SIGIRR: variants seen among roughly 807,000 people sequenced by gnomAD.
SIGIRR encodes single Ig and TIR domain containing.
SIGIRR carries 41 observed loss-of-function variants against 45.6 expected under a neutral mutation model. That is an observed-to-expected ratio of 0.90 (90% CI 0.70 to 1.17). SIGIRR has a LOEUF of 1.17. SIGIRR is among the 50% of genes most tolerant of loss of function. The pLI, the probability that SIGIRR is intolerant of heterozygous loss-of-function variation, is 0.00. For synonymous variants in SIGIRR, 298 were observed against 239.0 expected, an observed-to-expected ratio of 1.25 and a Z score of -2.28; for missense variants, 599 against 539.6, an observed-to-expected ratio of 1.11 and a Z score of -1.09.
At position 407,117 on chromosome 11, in the gene SIGIRR, T is replaced by TCTACAC; in HGVS notation, c.672_673insGTGTAG (p.Leu224_Ile225insValTer). On this transcript the variant is annotated stop_gained and inframe_insertion, in exon 7 of 10. Coordinates refer to ENST00000431843, the MANE Select transcript of SIGIRR (RefSeq NM_001135054.2). LOFTEE classifies it high-confidence loss of function. The stretch of plus-strand genomic sequence containing the variant: ...AGGAAGGCGTCCGAAAGCACCACGA[T>TCTACAC]GAGGCGTCGGCAGCGGCTCAGGTTC... 1.3e-6 allele frequency: 2 copies of TCTACAC among 1,534,260 alleles called. No homozygotes were observed. Among genetic ancestry groups the TCTACAC allele is most frequent in the Non-Finnish European group, 1.7e-6 (2 of 1,147,436 alleles).
At chr11:406,679 C>A in intron 8 of SIGIRR, 141 bp from the exon 9 acceptor site, 1 of 1,402,830 alleles carries the variant, frequency 7.1e-7, no homozygotes, top group Non-Finnish European at 9.4e-7. Context: ...GCCTCAAGGG[C>A]GGCTCCCCGC....
upstream of SIGIRR, among the ~76,000 whole-genome samples, chr11:416,761 C>T (rs2133663955): frequency 6.6e-6 from 1 of 152,260 alleles, no homozygotes; most frequent in East Asian, 1.9e-4. This position sits in a 1 kb window ranked among gnomAD's most constrained non-coding sequence, Gnocchi z 9.1. Context: ...GTTCGCTCCC[C>T]TACCCCGCGC....
In SIGIRR at chr11:407,125, C is replaced by A. The variant is rs760124062; in HGVS notation, c.665G>T (p.Arg222Leu). 46 of 1,554,148 alleles carry A rather than the reference C, an allele frequency of 3.0e-5. No homozygotes were observed. Among genetic ancestry groups the A allele is most frequent in the African/African-American group, 4.3e-5 (3 of 69,310 alleles). ...ADLLVNLSRC[R>L]RLIVVLSDAF... is the part of the protein sequence containing the mutation. ...GTCCGAAAGCACCACGATGAGGCGT[C>A]GGCAGCGGCTCAGGTTCACCAAGAG... The change falls in exon 7 of 10, where the codon CGA becomes CTA. Residue 222 changes from arginine (R) to leucine (L), a missense_variant. Coordinates refer to ENST00000431843, the MANE Select transcript of SIGIRR (RefSeq NM_001135054.2).
At chr11:409,766 C>G (rs111715314) in intron 2 of SIGIRR, 102 bp downstream of exon 2, 7 of 1,271,060 alleles carry the variant, frequency 5.5e-6, no homozygotes, top group Non-Finnish European at 7.1e-6. Context: ...TGTGGCCAGG[C>G]AGAGTGCCTG....
Position 408,145 on chromosome 11 carries a change from TG to T in SIGIRR, c.267del (p.Ser89ArgfsTer71), listed in dbSNP as rs1847437048. 3 of 1,612,666 alleles carry T rather than the reference TG, an allele frequency of 1.9e-6. No homozygotes were observed. Among genetic ancestry groups the T allele is most frequent in the Non-Finnish European group, 1.7e-6 (2 of 1,179,972 alleles). On this transcript the variant is annotated frameshift_variant, in exon 4 of 10. Coordinates refer to ENST00000431843, the MANE Select transcript of SIGIRR (RefSeq NM_001135054.2). LOFTEE classifies it high-confidence loss of function. Reference protein sequence around the residue: ...VSSVLGVNVTSTEVYGAFTCS... With the variant: ...VSSVLGVNVTXTEVYGAFTCS... ...CAGGTGAAGGCCCCATAGACTTCAG[TG>T]CTGGTCACGTTGACCCCCAGGACAC...
intron 8 of SIGIRR, 149 bp from the exon 9 acceptor site, chr11:406,687 C>T (rs1847322586): frequency 7.1e-7 from 1 of 1,405,310 alleles, no homozygotes; most frequent in Non-Finnish European, 9.3e-7. Flanking sequence ...GGCGGCTCCC[C>T]GCATCGGGGC....
chr11:417,044 G>A (rs1170746655), upstream of SIGIRR, among the ~76,000 whole-genome samples: 4 of 152,224 alleles, frequency 2.6e-5, no homozygotes, highest in East Asian at 1.9e-4. The surrounding 1 kb of genome is among the most constrained non-coding windows in gnomAD (Gnocchi z 4.2). Context: ...TGTTCTGCGC[G>A]AGGGTCACCA....
chr11:405,901 T>C lies in SIGIRR; in HGVS notation c.1228A>G (p.Met410Val), dbSNP rs1847266647. ...DFYCLVSKDD[M>V] ...CCTGCACTCTGGGGTGGGAGCTACA[T>C]ATCATCCTTGGACACCAGGCAGTAG... Residue 410 changes from methionine (M) to valine (V), a missense_variant, in exon 10 of 10, where the codon ATG becomes GTG. Coordinates refer to ENST00000431843, the MANE Select transcript of SIGIRR (RefSeq NM_001135054.2). The C allele has an allele frequency of 1.9e-6, 3 of 1,596,664 alleles. No individual in the cohort carries two copies. The highest frequency in any genetic ancestry group is 2.6e-6 in the Non-Finnish European group (3 of 1,168,354).
chr11:406,704 C>A, intron 8 of SIGIRR, 139 bp downstream of exon 8: 1 of 1,409,900 alleles, frequency 7.1e-7, no homozygotes, highest in Non-Finnish European at 9.3e-7. Context: ...GGGCCCCAGG[C>A]AGCGGAACCT....
In SIGIRR at chr11:405,760, G is replaced by GGC. The variant is rs1190765911; in HGVS notation, c.*135_*136insGC. 2.7e-6 allele frequency: 3 copies of GGC among 1,113,510 alleles called. No homozygotes were observed. The African/African-American group carries it at 4.7e-5, about 18-fold the overall frequency. The allele number at this position is 1,113,510 out of a possible 1,614,324, so 69.0% of individuals were successfully genotyped here. A position where few individuals can be genotyped will look rare whatever the true frequency, so the allele number is the denominator to read the frequency against. On this transcript the variant is annotated 3_prime_UTR_variant, in exon 10 of 10. Transcript: ENST00000431843. The stretch of plus-strand genomic sequence containing the variant: ...ATTTTCTGGCACTGGGAGGCGCCCT[G>GGC]AGGCCACAGCCTTTTCCCAGGGCTG...
chr11:416,762 T>G (rs942180957), upstream of SIGIRR, among the ~76,000 whole-genome samples: 1 of 151,890 alleles, frequency 6.6e-6, no homozygotes, highest in Non-Finnish European at 1.5e-5. The surrounding 1 kb of genome is among the most constrained non-coding windows in gnomAD (Gnocchi z 9.1). Context: ...TTCGCTCCCC[T>G]ACCCCGCGCC....
chr11:409,491 T>C (rs1847494671), intron 2 of SIGIRR: 1 of 309,552 alleles, frequency 3.2e-6, no homozygotes, highest in East Asian at 5.8e-5. Context: ...CCTGAACTTG[T>C]TCATCTTTAC....
chr11:408,283 C>G, intron 3 of SIGIRR, 77 bp from the exon 4 acceptor site: 3 of 1,545,010 alleles, frequency 1.9e-6, no homozygotes, highest in Non-Finnish European at 2.6e-6. Context: ...TCTGGGTTCA[C>G]CCAGGGAGGC....
chr11:410,145 G>A (rs1853860359), intron 1 of SIGIRR, 118 bp from the exon 2 acceptor site: 2 of 933,990 alleles, frequency 2.1e-6, no homozygotes, highest in Non-Finnish European at 1.4e-6. Context: ...CATGGATGCT[G>A]GCAGAGTTCT....
At chr11:416,549 C>G (rs895180899), upstream of SIGIRR, among the ~76,000 whole-genome samples, 2 of 152,172 alleles carry the variant, frequency 1.3e-5, no homozygotes, top group Non-Finnish European at 2.9e-5. The surrounding 1 kb of genome is among the most constrained non-coding windows in gnomAD (Gnocchi z 9.1). Flanking sequence ...GCTCCTCCCG[C>G]CCTCAGACCC....
At chr11:417,299 CGG>C (rs1429256165), upstream of SIGIRR, 2 of 152,220 alleles carry the variant, frequency 1.3e-5, no homozygotes, top group Non-Finnish European at 2.9e-5. This position sits in a 1 kb window ranked among gnomAD's most constrained non-coding sequence, Gnocchi z 4.2. Context: ...CTCACCTTCG[CGG>C]GTCTGATGGC....
chr11:407,120 G>T lies in SIGIRR; in HGVS notation c.670C>A (p.Leu224Ile). ...AAGGCGTCCGAAAGCACCACGATGA[G>T]GCGTCGGCAGCGGCTCAGGTTCACC... ...LLVNLSRCRR[L>I]IVVLSDAFLS... Residue 224 changes from leucine (L) to isoleucine (I), a missense_variant, in exon 7 of 10, where the codon CTC becomes ATC. By Grantham distance (5) the Leu-to-Ile change is conservative (BLOSUM62 2). Coordinates refer to ENST00000431843, the MANE Select transcript of SIGIRR (RefSeq NM_001135054.2). The T allele has an allele frequency of 1.2e-5, 18 of 1,536,196 alleles. No homozygotes were observed. Among genetic ancestry groups the T allele is most frequent in the Admixed American group, 1.2e-4 (6 of 51,872 alleles).
intron 1 of SIGIRR, among the ~76,000 whole-genome samples, chr11:412,776 C>T (rs913418031): frequency 1.3e-5 from 2 of 151,844 alleles, no homozygotes; most frequent in African/African-American, 2.4e-5. Flanking sequence ...CAGGAGTGCA[C>T]GTGAGCACAG....
intron 2 of SIGIRR, 133 bp downstream of exon 2, chr11:409,735 G>A: frequency 9.6e-7 from 1 of 1,038,162 alleles, no homozygotes; most frequent in Non-Finnish European, 1.3e-6. Context: ...GGGGTGAGCA[G>A]GGGCCTTTGT....
Sources: gnomAD v4.1 joint callset for allele counts (sites outside exome capture counted in the v4.1 genomes callset) on GRCh38, gnomAD v4.1.1 for gene constraint, Gnocchi (gnomAD v3.1) non-coding constraint, MANE v1.5 for transcripts, NCBI Gene and HGNC (gene_info 2026-07-23, HGNC 2026-07-21) for gene names.